The following RPTOR variants were observed in gnomAD, a reference collection of about 807,000 sequenced individuals.
RPTOR encodes regulatory-associated protein of mTOR.
Under a neutral mutation model 169.9 loss-of-function variants are expected in RPTOR, and 21 were observed. The observed-to-expected ratio is 0.12, with a 90% CI of 0.09 to 0.18. The LOEUF is 0.18. RPTOR is among the 10% of genes least tolerant of loss of function. The probability of loss-of-function intolerance (pLI) is 1.00; values close to 1 mark genes in which losing one functional copy is unlikely to be tolerated. For synonymous variants in RPTOR, 732 were observed against 753.2 expected (o/e 0.97, Z 0.46); for missense variants, 1,133 against 1,855.9 (o/e 0.61, Z 7.16).
chr17:80,608,209 G>A (rs911280095), intron 1 of RPTOR, among the ~76,000 whole-genome samples: 2 of 152,226 alleles, frequency 1.3e-5, no homozygotes, highest in African/African-American at 4.8e-5. Context: ...CACAGTGACA[G>A]CGACTTTTCT....
intron 1 of RPTOR, among the ~76,000 whole-genome samples, chr17:80,615,688 A>C: frequency 6.6e-6 from 1 of 151,068 alleles, no homozygotes; most frequent in East Asian, 1.9e-4. Context: ...GTCCCATTCC[A>C]CTCTTGCCAC....
intron 3 of RPTOR, among the ~76,000 whole-genome samples, chr17:80,656,762 A>G (rs2065682729): frequency 6.6e-6 from 1 of 152,186 alleles, no homozygotes; most frequent in African/African-American, 2.4e-5. Flanking sequence ...ATGAGCTGGA[A>G]AGACTTTGCA....
At chr17:80,949,592 G>A in intron 28 of RPTOR, 45 bp downstream of exon 28, 3 of 1,511,404 alleles carry the variant, frequency 2.0e-6, no homozygotes, top group Non-Finnish European at 2.8e-6. Flanking sequence ...TGTTCCCGGG[G>A]CTGCGGACGC....
Position 80,878,233 on chromosome 17 carries a change from C to G in RPTOR, c.1510-2182C>G, listed in dbSNP as rs947927260. ...AGTTTCTAGGTATTGATCCTAGAAA[C>G]CCATGCTCTGTGGGTCCCTCTCCAA... On this transcript the variant is annotated intron_variant, in intron 13 of 33. Coordinates refer to ENST00000306801, the MANE Select transcript of RPTOR (RefSeq NM_020761.3). This position sits in a 1 kb window ranked among gnomAD's most constrained non-coding sequence, Gnocchi z 4.1. 6.6e-6 allele frequency among the ~76,000 whole-genome samples: 1 copy of G among 152,198 alleles called. No homozygotes were observed. Among genetic ancestry groups the G allele is most frequent in the African/African-American group, 2.4e-5 (1 of 41,440 alleles).
chr17:80,916,671 T>G (rs919900868), intron 21 of RPTOR, among the ~76,000 whole-genome samples: 1 of 152,242 alleles, frequency 6.6e-6, no homozygotes, highest in Non-Finnish European at 1.5e-5. Flanking sequence ...CATTTTGATT[T>G]ACTTATAAAA....
chr17:80,571,707 G>T (rs749545130), intron 1 of RPTOR, among the ~76,000 whole-genome samples: 1 of 152,128 alleles, frequency 6.6e-6, no homozygotes, highest in Non-Finnish European at 1.5e-5. Context: ...TTTTTGTAGA[G>T]ACAGGGCTTC....
intron 6 of RPTOR, among the ~76,000 whole-genome samples, chr17:80,760,916 C>T (rs568006271): frequency 6.6e-6 from 1 of 152,300 alleles, no homozygotes; most frequent in South Asian, 2.1e-4. Context: ...AAAATGTGTA[C>T]ATGTGTACTT....
intron 6 of RPTOR, chr17:80,773,698 T>G: frequency 2.7e-6 from 2 of 753,020 alleles, no homozygotes; most frequent in Non-Finnish European, 3.2e-6. Context: ...TGGATTTGCT[T>G]CCTCTGGCAC....
chr17:80,856,485 CAA>C (rs1347704291), intron 12 of RPTOR, among the ~76,000 whole-genome samples: 1 of 152,144 alleles, frequency 6.6e-6, no homozygotes, highest in Non-Finnish European at 1.5e-5. Context: ...ATAATGTTGA[CAA>C]AGAGTGGTAA....
Position 80,960,353 on chromosome 17 carries a change from T to A in RPTOR, c.3605+148T>A. The A allele has an allele frequency of 8.9e-7, 1 of 1,124,588 alleles. No individual in the cohort carries two copies. Among genetic ancestry groups the A allele is most frequent in the Non-Finnish European group, 1.3e-6 (1 of 797,344 alleles). 69.7% of individuals were successfully genotyped at this position (1,124,588 alleles called of 1,614,324 possible). A position where few individuals can be genotyped will look rare whatever the true frequency, so the allele number is the denominator to read the frequency against. On this transcript the variant is annotated intron_variant, in intron 30 of 33. Transcript: ENST00000306801. This position sits in a 1 kb window ranked among gnomAD's most constrained non-coding sequence, Gnocchi z 4.8. ...GCCTGCAGTGGCGTATTTAGGCCAG[T>A]CCTGGGCTCCCCAAAGCCGCCAGGC... is the stretch of plus-strand genomic sequence containing the variant.
rs1361757189 is a variant in RPTOR at position 80,651,321 on chromosome 17, C to G, written c.348+7511C>G. Among the ~76,000 whole-genome samples, 1 of 152,160 alleles carries G rather than the reference C, an allele frequency of 6.6e-6. No homozygotes were observed. Among genetic ancestry groups the G allele is most frequent in the Non-Finnish European group, 1.5e-5 (1 of 68,038 alleles). ...CTAGGAAGAGTTGTAAAATCCTGCTCCAGCCAAATTGGAAAGTGCTGATCA... is the reference window on the plus strand; with the variant it reads ...CTAGGAAGAGTTGTAAAATCCTGCTGCAGCCAAATTGGAAAGTGCTGATCA... On this transcript the variant is annotated intron_variant, in intron 3 of 33. Transcript: ENST00000306801. The surrounding 1 kb of genome is among the most constrained non-coding windows in gnomAD (Gnocchi z 4.1).
intron 7 of RPTOR, among the ~76,000 whole-genome samples, chr17:80,814,993 A>T (rs1329203899): frequency 6.6e-6 from 1 of 152,254 alleles, no homozygotes; most frequent in African/African-American, 2.4e-5. Context: ...GTCTGAGCAG[A>T]GCACACAGGA....
chr17:80,756,827 C>G (rs2066685193), intron 6 of RPTOR, among the ~76,000 whole-genome samples: 1 of 152,120 alleles, frequency 6.6e-6, no homozygotes, highest in Non-Finnish European at 1.5e-5. Flanking sequence ...ATACAACTAT[C>G]ATATATCAAT....
chr17:80,911,449 T>C (rs151079506), intron 21 of RPTOR, among the ~76,000 whole-genome samples: 5 of 152,324 alleles, frequency 3.3e-5, no homozygotes, highest in Admixed American at 1.3e-4. Flanking sequence ...AGAAATAATA[T>C]AATTATTTGC....
At chr17:80,951,405 G>A (rs1171927876) in intron 28 of RPTOR, among the ~76,000 whole-genome samples, 1 of 152,214 alleles carries the variant, frequency 6.6e-6, no homozygotes, top group African/African-American at 2.4e-5. Flanking sequence ...CTTCAGAGTG[G>A]GAGCCTGTGC....
At chr17:80,684,530 C>T (rs1201539846) in intron 3 of RPTOR, among the ~76,000 whole-genome samples, 1 of 150,574 alleles carries the variant, frequency 6.6e-6, no homozygotes, top group African/African-American at 2.4e-5. Context: ...CTGCAAGCTC[C>T]TCCTCCCGGG....
chr17:80,863,030 G>C (rs2067937844), intron 13 of RPTOR, among the ~76,000 whole-genome samples: 1 of 152,204 alleles, frequency 6.6e-6, no homozygotes, highest in Non-Finnish European at 1.5e-5. Flanking sequence ...CACCTTTGGG[G>C]CACACCGTGT....
intron 1 of RPTOR, among the ~76,000 whole-genome samples, chr17:80,586,175 A>G (rs2143389649): frequency 6.6e-6 from 1 of 152,292 alleles, no homozygotes; most frequent in South Asian, 2.1e-4. Flanking sequence ...CTGGGAAGCC[A>G]TATATTAACT....
intron 12 of RPTOR, 124 bp downstream of exon 12, chr17:80,855,671 T>C: frequency 1.3e-6 from 1 of 748,378 alleles, no homozygotes; most frequent in Admixed American, 2.0e-5. Flanking sequence ...CCAGGGCGAG[T>C]GTGTCCACCG....
Sources: allele counts gnomAD v4.1 joint callset (sites outside exome capture counted in the v4.1 genomes callset), GRCh38; gene constraint gnomAD v4.1.1; non-coding constraint Gnocchi (gnomAD v3.1); transcripts MANE v1.5; gene names NCBI Gene and HGNC (gene_info 2026-07-23, HGNC 2026-07-21).